The following DISC1 variants were observed in gnomAD, a reference collection of about 807,000 sequenced individuals.
DISC1 encodes the protein DISC1 scaffold protein, also known as disrupted in schizophrenia 1 protein.
Under a neutral mutation model 84.5 loss-of-function variants are expected in DISC1, and 57 were observed. The ratio of observed to expected loss-of-function variants is 0.67; its 90% CI spans 0.55 to 0.84. The LOEUF (loss-of-function observed/expected upper bound fraction) is 0.84. Ranked by LOEUF, DISC1 falls within the 40% of genes least tolerant of loss-of-function variation. DISC1 has a pLI of 0.00. For missense variants in DISC1, 1,000 were observed against 1,057.8 expected (o/e 0.95, Z 0.76); for synonymous variants, 411 against 415.2 (o/e 0.99, Z 0.12).
intron 1 of DISC1, among the ~76,000 whole-genome samples, chr1:231,657,213 C>T (rs1240413948): frequency 3.3e-5 from 5 of 152,198 alleles, no homozygotes; most frequent in Non-Finnish European, 7.3e-5. Flanking sequence ...ACTACACTGT[C>T]TTCCACAATG....
At chr1:231,688,216 A>G (rs1234872010) in intron 1 of DISC1, among the ~76,000 whole-genome samples, 1 of 152,088 alleles carries the variant, frequency 6.6e-6, no homozygotes, top group Admixed American at 6.6e-5. Context: ...TTGTATGAGT[A>G]TGTACAAATG....
chr1:231,719,323 G>T (rs2069265116), intron 3 of DISC1, among the ~76,000 whole-genome samples: 1 of 152,204 alleles, frequency 6.6e-6, no homozygotes. Flanking sequence ...GGTCAAAGTA[G>T]CCTCTCAAGA....
chr1:232,034,861 G>A (rs1670368059), intron 12 of DISC1, among the ~76,000 whole-genome samples: 1 of 151,350 alleles, frequency 6.6e-6, no homozygotes, highest in African/African-American at 2.4e-5. Context: ...AAAGATTAGC[G>A]GAACTATGTA....
At chr1:231,807,754 C>T (rs371582544) in intron 8 of DISC1, among the ~76,000 whole-genome samples, 4 of 152,324 alleles carry the variant, frequency 2.6e-5, no homozygotes, top group African/African-American at 9.6e-5. Context: ...GCAGGCTTCT[C>T]ACTCACCTTT....
At chr1:231,928,652 G>T (rs1363401719) in intron 9 of DISC1, among the ~76,000 whole-genome samples, 2 of 152,108 alleles carry the variant, frequency 1.3e-5, no homozygotes, top group East Asian at 3.9e-4. Context: ...TGATGTTAGG[G>T]TGTCGATTTG....
chr1:231,705,774 T>G (rs116587782), intron 3 of DISC1, among the ~76,000 whole-genome samples: 2,352 of 151,820 alleles, frequency 0.015, 71 homozygotes, highest in African/African-American at 0.055. Context: ...AATTGTTGAG[T>G]TTTTTTTCAT....
intron 9 of DISC1, among the ~76,000 whole-genome samples, chr1:231,911,943 C>G (rs551363711): frequency 6.6e-6 from 1 of 152,276 alleles, no homozygotes; most frequent in South Asian, 2.1e-4. Flanking sequence ...CACTGATACC[C>G]TTTCTTCCAC....
intron 3 of DISC1, among the ~76,000 whole-genome samples, chr1:231,737,730 A>C (rs2072698384): frequency 6.6e-6 from 1 of 152,264 alleles, no homozygotes; most frequent in African/African-American, 2.4e-5. Context: ...CTTAAAAGTC[A>C]CAAGTATGCT....
chr1:231,940,781 A>G (rs990107814), intron 9 of DISC1: 1 of 152,178 alleles, frequency 6.6e-6, no homozygotes, highest in Non-Finnish European at 1.5e-5. Context: ...CCCAAATACA[A>G]TTTCTAAAGC....
intron 9 of DISC1, among the ~76,000 whole-genome samples, chr1:231,856,702 T>C (rs1470622718): frequency 6.6e-6 from 1 of 152,146 alleles, no homozygotes; most frequent in Admixed American, 6.5e-5. Context: ...ACTGAAGTCA[T>C]GGTATTTTCC....
intron 7 of DISC1, among the ~76,000 whole-genome samples, chr1:231,799,797 T>G (rs1388004402): frequency 2.0e-5 from 3 of 148,996 alleles, no homozygotes; most frequent in Non-Finnish European, 3.0e-5. Context: ...CATTGCTCAC[T>G]TTATTTTTGT....
intron 1 of DISC1, among the ~76,000 whole-genome samples, chr1:231,640,645 C>G (rs1280741415): frequency 6.6e-6 from 1 of 151,914 alleles, no homozygotes; most frequent in East Asian, 1.9e-4. Context: ...CCTCCCATCT[C>G]TGCTCTGCAA....
chr1:231,886,753 T>TCCG (rs1333052506), intron 9 of DISC1, among the ~76,000 whole-genome samples: 2 of 119,028 alleles, frequency 1.7e-5, no homozygotes, highest in African/African-American at 6.2e-5. Flanking sequence ...CTTTCTTCCT[T>TCCG]TCTTCCTTCC....
chr1:231,894,933 CCACA>C (rs375216874), intron 9 of DISC1, among the ~76,000 whole-genome samples: 1 of 148,890 alleles, frequency 6.7e-6, no homozygotes, highest in African/African-American at 2.5e-5. Context: ...ACACACACAC[CCACA>C]CACACACACA....
chr1:231,789,857 T>C (rs1431716644), intron 6 of DISC1, among the ~76,000 whole-genome samples: 3 of 152,200 alleles, frequency 2.0e-5, no homozygotes, highest in African/African-American at 7.2e-5. Flanking sequence ...GTTTGTGATA[T>C]TGCAAGAGTA....
At chr1:231,988,384 T>A (rs969088817) in intron 10 of DISC1, among the ~76,000 whole-genome samples, 1 of 152,226 alleles carries the variant, frequency 6.6e-6, no homozygotes, top group Non-Finnish European at 1.5e-5. Context: ...CAAATCTTTT[T>A]AAAAATCTAC....
At chr1:231,884,893 T>G (rs958321305) in intron 9 of DISC1, among the ~76,000 whole-genome samples, 2 of 152,186 alleles carry the variant, frequency 1.3e-5, no homozygotes, top group African/African-American at 2.4e-5. Flanking sequence ...GGGGAAAGAA[T>G]GCATTTAGTG....
chr1:231,639,468 A>G (rs888467921), intron 1 of DISC1, among the ~76,000 whole-genome samples: 1 of 152,212 alleles, frequency 6.6e-6, no homozygotes, highest in Admixed American at 6.5e-5. Context: ...GGACAAGTGC[A>G]TCTTCTCCTA....
chr1:231,728,832 A>G (rs1322389480), intron 3 of DISC1, among the ~76,000 whole-genome samples: 3 of 151,928 alleles, frequency 2.0e-5, no homozygotes, highest in Non-Finnish European at 4.4e-5. Flanking sequence ...CTTAGTATTT[A>G]TAGAGGCATA....
Sources: gnomAD v4.1 joint callset for allele counts (sites outside exome capture counted in the v4.1 genomes callset) on GRCh38, gnomAD v4.1.1 for gene constraint, MANE v1.5 for transcripts, NCBI Gene and HGNC (gene_info 2026-07-23, HGNC 2026-07-21) for gene names.